Variants in CPED1 observed in about 807,000 individuals in gnomAD.
CPED1 encodes cadherin-like and PC-esterase domain-containing protein 1.
CPED1 carries 114 observed loss-of-function variants against 128.2 expected under a neutral mutation model. The observed-to-expected ratio is 0.89, with a 90% CI of 0.76 to 1.04. The LOEUF (loss-of-function observed/expected upper bound fraction) is 1.04. CPED1 is among the 50% of genes least tolerant of loss of function. CPED1 has a pLI of 0.00. For missense variants in CPED1, 1,211 were observed against 1,207.1 expected, an observed-to-expected ratio of 1.00 and a Z score of -0.05; for synonymous variants, 462 against 426.7, an observed-to-expected ratio of 1.08 and a Z score of -1.02.
At chr7:121,078,481 G>GGAAA (rs1186676908) in intron 5 of CPED1, among the ~76,000 whole-genome samples, 1 of 92,878 alleles carries the variant, frequency 1.1e-5, no homozygotes, top group Non-Finnish European at 2.0e-5. Context: ...TCCTGTCTCT[G>GGAAA]GAAAGAAAGA....
intron 7 of CPED1, 141 bp from the exon 8 acceptor site, chr7:121,124,190 A>C (rs985886105): frequency 4.7e-5 from 27 of 568,806 alleles, no homozygotes; most frequent in Non-Finnish European, 7.5e-5. Context: ...TAGATTACCA[A>C]ACTTACTGAT....
At chr7:121,193,594 C>T (rs1169343879) in intron 16 of CPED1, among the ~76,000 whole-genome samples, 1 of 151,828 alleles carries the variant, frequency 6.6e-6, no homozygotes, top group Non-Finnish European at 1.5e-5. Flanking sequence ...AAAGAGTGGG[C>T]CAGAAGCAAA....
At chr7:121,279,611 C>G (rs563991767) in intron 22 of CPED1, among the ~76,000 whole-genome samples, 2 of 152,214 alleles carry the variant, frequency 1.3e-5, no homozygotes, top group Admixed American at 6.6e-5. Flanking sequence ...ACTTGCTGTT[C>G]AGATCCTATG....
At chr7:121,161,100 A>G (rs1250170072) in intron 16 of CPED1, among the ~76,000 whole-genome samples, 2 of 152,164 alleles carry the variant, frequency 1.3e-5, no homozygotes, top group African/African-American at 4.8e-5. Context: ...ACAAATTACC[A>G]CAAATGTAGC....
chr7:121,129,287 GTATATA>G (rs374141620), intron 11 of CPED1, among the ~76,000 whole-genome samples: 7,669 of 51,188 alleles, frequency 0.15, 331 homozygotes, highest in Non-Finnish European at 0.19. Context: ...GTGTATATAT[GTATATA>G]TATATATATA....
intron 17 of CPED1, among the ~76,000 whole-genome samples, chr7:121,237,185 G>C (rs1015379589): frequency 3.3e-5 from 5 of 152,052 alleles, no homozygotes; most frequent in African/African-American, 1.2e-4. Flanking sequence ...TTATTTAAAT[G>C]ACCAAGTATT....
intron 16 of CPED1, among the ~76,000 whole-genome samples, chr7:121,205,660 G>A (rs2116577486): frequency 6.6e-6 from 1 of 151,882 alleles, no homozygotes; most frequent in African/African-American, 2.4e-5. Context: ...CATTCATTTT[G>A]CTGAATTTTC....
chr7:120,994,456 C>T (rs1221030504), intron 2 of CPED1, among the ~76,000 whole-genome samples: 3 of 151,964 alleles, frequency 2.0e-5, no homozygotes, highest in Non-Finnish European at 4.4e-5. Flanking sequence ...TAAATTAACA[C>T]GGTGATAGGA....
intron 7 of CPED1, among the ~76,000 whole-genome samples, chr7:121,123,225 C>T (rs1795428962): frequency 6.6e-6 from 1 of 152,100 alleles, no homozygotes. Flanking sequence ...TATTAGGTTT[C>T]TGTTTTCAAC....
At chr7:121,006,314 C>T (rs554561532) in intron 2 of CPED1, among the ~76,000 whole-genome samples, 5 of 152,114 alleles carry the variant, frequency 3.3e-5, no homozygotes, top group Admixed American at 2.0e-4. Context: ...TCATTACGGA[C>T]GTCCTTTAAC....
intron 5 of CPED1, chr7:121,076,700 G>A (rs1007706971): frequency 3.9e-5 from 6 of 152,126 alleles, no homozygotes; most frequent in Non-Finnish European, 8.8e-5. Context: ...ACTTCTTATA[G>A]ATTAGCTCTC....
At chr7:121,291,196 G>T (rs1231994936) in intron 22 of CPED1, among the ~76,000 whole-genome samples, 3 of 152,132 alleles carry the variant, frequency 2.0e-5, no homozygotes, top group Non-Finnish European at 2.9e-5. Flanking sequence ...TGCTGTTTTG[G>T]TTACAGTAGC....
chr7:121,163,540 A>C (rs114913179), intron 16 of CPED1, among the ~76,000 whole-genome samples: 3 of 152,224 alleles, frequency 2.0e-5, no homozygotes, highest in Non-Finnish European at 2.9e-5. Flanking sequence ...CATCAAGGCC[A>C]TGAACAATTT....
At chr7:121,257,423 A>C (rs926530337) in intron 18 of CPED1, among the ~76,000 whole-genome samples, 17 of 152,058 alleles carry the variant, frequency 1.1e-4, no homozygotes, top group Non-Finnish European at 2.1e-4. Context: ...CTGTTTTCTT[A>C]ATCTAAAAGT....
intron 17 of CPED1, among the ~76,000 whole-genome samples, chr7:121,239,332 A>G (rs868057980): frequency 6.6e-6 from 1 of 152,128 alleles, no homozygotes; most frequent in Non-Finnish European, 1.5e-5. Flanking sequence ...AAACTTTTGA[A>G]TGATTGTATT....
intron 15 of CPED1, among the ~76,000 whole-genome samples, 193 bp downstream of exon 15, chr7:121,141,206 T>C (rs960959433): frequency 2.0e-5 from 3 of 152,066 alleles, no homozygotes; most frequent in Non-Finnish European, 4.4e-5. Flanking sequence ...AACAATATTT[T>C]AACAAGAAAG....
At position 121,295,315 on chromosome 7, in the gene CPED1, G is replaced by A. The variant is rs1032806215; in HGVS notation, c.2869-125G>A. The A allele has an allele frequency of 4.3e-6, 5 of 1,169,120 alleles. No homozygotes were observed. The Admixed American group carries it at 1.1e-4, about 25-fold the overall frequency. The allele number at this position is 1,169,120 out of a possible 1,614,324, so 72.4% of individuals were successfully genotyped here. On this transcript the variant is annotated intron_variant, in intron 22 of 22. Coordinates refer to ENST00000310396, the MANE Select transcript of CPED1 (RefSeq NM_024913.5). The stretch of plus-strand genomic sequence containing the variant: ...GTTATAGCCATTCCTGGTTATGTAA[G>A]TCATAGTCATGCCCTTTTAGCAACA...
At chr7:121,076,262 C>A (rs1794122148) in intron 5 of CPED1, among the ~76,000 whole-genome samples, 1 of 152,068 alleles carries the variant, frequency 6.6e-6, no homozygotes, top group Admixed American at 6.6e-5. Flanking sequence ...TAGGATAAAT[C>A]AAAAATATAA....
At chr7:121,129,331 ATATACG>A (rs1563037650) in intron 11 of CPED1, among the ~76,000 whole-genome samples, 18 of 131,752 alleles carry the variant, frequency 1.4e-4, no homozygotes, top group South Asian at 4.6e-4. Flanking sequence ...ATATATATAT[ATATACG>A]TATATATATA....
Sources: allele counts gnomAD v4.1 joint callset (sites outside exome capture counted in the v4.1 genomes callset), GRCh38; gene constraint gnomAD v4.1.1; transcripts MANE v1.5; gene names NCBI Gene and HGNC (gene_info 2026-07-23, HGNC 2026-07-21).